The following SPATA6 variants were observed in gnomAD, a reference collection of about 807,000 sequenced individuals.
SPATA6 encodes the protein spermatogenesis-associated protein 6.
In SPATA6, 56 loss-of-function variants were observed where a neutral mutation model predicts 65.3. The ratio of observed to expected loss-of-function variants is 0.86; its 90% CI spans 0.69 to 1.07. SPATA6 has a LOEUF of 1.07. Among genes scored for constraint, SPATA6 ranks in the 50% least tolerant of loss-of-function variants. The pLI is 0.00. For synonymous variants in SPATA6, 199 were observed against 213.2 expected (o/e 0.93, Z 0.58); for missense variants, 590 against 594.8 (o/e 0.99, Z 0.08).
At chr1:48,301,254 C>G (rs1336118126) in intron 12 of SPATA6, among the ~76,000 whole-genome samples, 5 of 149,972 alleles carry the variant, frequency 3.3e-5, no homozygotes, top group Admixed American at 2.7e-4. Flanking sequence ...CAATCTGCAA[C>G]AGAGATCAAG....
intron 11 of SPATA6, among the ~76,000 whole-genome samples, chr1:48,317,329 G>A (rs1302560329): frequency 3.9e-5 from 6 of 152,078 alleles, no homozygotes; most frequent in Non-Finnish European, 7.4e-5. Context: ...CATATACACT[G>A]TGGAATACTA....
chr1:48,319,760 G>A (rs1183562312), intron 11 of SPATA6, among the ~76,000 whole-genome samples: 3 of 152,084 alleles, frequency 2.0e-5, no homozygotes, highest in Non-Finnish European at 2.9e-5. Context: ...GAGCCACCTG[G>A]AGATTGTGTA....
chr1:48,308,581 G>A (rs561324243), intron 11 of SPATA6, among the ~76,000 whole-genome samples: 1 of 152,210 alleles, frequency 6.6e-6, no homozygotes, highest in African/African-American at 2.4e-5. Context: ...CTACTGTCTA[G>A]TGTCCTTTCA....
chr1:48,456,946 T>C (rs1392025404), intron 1 of SPATA6, among the ~76,000 whole-genome samples: 1 of 151,906 alleles, frequency 6.6e-6, no homozygotes, highest in African/African-American at 2.4e-5. Flanking sequence ...ATATATGAAA[T>C]CTTCTGATGT....
intron 3 of SPATA6, chr1:48,436,088 CT>C (rs1654913023): frequency 1.2e-6 from 2 of 1,609,706 alleles, no homozygotes; most frequent in Non-Finnish European, 1.7e-6. Context: ...TCCTGGTCAC[CT>C]CCATCCACTA....
chr1:48,346,298 A>G (rs1362508085), intron 11 of SPATA6, among the ~76,000 whole-genome samples: 1 of 152,102 alleles, frequency 6.6e-6, no homozygotes, highest in Non-Finnish European at 1.5e-5. Context: ...TAAAACTCTC[A>G]ATAAACTAAG....
chr1:48,453,652 A>G (rs1656776432), intron 1 of SPATA6, among the ~76,000 whole-genome samples: 1 of 152,192 alleles, frequency 6.6e-6, no homozygotes, highest in Non-Finnish European at 1.5e-5. Context: ...CTAGCCCAAT[A>G]AAGTACTTTT....
intron 4 of SPATA6, 107 bp from the exon 5 acceptor site, chr1:48,411,695 G>C: frequency 1.1e-6 from 1 of 949,106 alleles, no homozygotes; most frequent in Non-Finnish European, 1.4e-6. Context: ...TGAAATACCT[G>C]TTTTGGGTCA....
At chr1:48,460,357 A>C (rs1356517518) in intron 1 of SPATA6, among the ~76,000 whole-genome samples, 1 of 152,204 alleles carries the variant, frequency 6.6e-6, no homozygotes, top group Admixed American at 6.5e-5. Context: ...ATTTGACAAA[A>C]TTTAAGCCTC....
chr1:48,262,528 T>G, the SPATA6 span: 1 of 152,098 alleles, frequency 6.6e-6, no homozygotes, highest in Admixed American at 6.6e-5. Flanking sequence ...ACACACATAA[T>G]TAGGGAACAA....
the SPATA6 span, among the ~76,000 whole-genome samples, chr1:48,286,217 C>A: frequency 6.6e-6 from 1 of 151,258 alleles, no homozygotes; most frequent in East Asian, 1.9e-4. Flanking sequence ...AAAAAAAATG[C>A]CATTGGGATT....
downstream of SPATA6, among the ~76,000 whole-genome samples, chr1:48,292,053 G>A (rs60266340): frequency 2.9e-3 from 445 of 152,306 alleles, 2 homozygotes; most frequent in African/African-American, 1.0e-2. Flanking sequence ...GCTAACTCAT[G>A]AATACCCATT....
chr1:48,362,583 G>A (rs762718183), intron 9 of SPATA6, among the ~76,000 whole-genome samples: 39 of 152,214 alleles, frequency 2.6e-4, no homozygotes, highest in Admixed American at 5.2e-4. Context: ...CAATCCAGAT[G>A]AGACAGGGCA....
intron 5 of SPATA6, among the ~76,000 whole-genome samples, chr1:48,407,244 C>A (rs977751151): frequency 6.6e-6 from 1 of 152,188 alleles, no homozygotes; most frequent in African/African-American, 2.4e-5. Context: ...GGACTCCAGT[C>A]TCCCTTGGCT....
rs1570284664 is a variant in SPATA6, at chr1:48,359,641, T to C, written c.1039A>G (p.Thr347Ala). 1 of 1,613,790 alleles carries C rather than the reference T, an allele frequency of 6.2e-7. No individual in the cohort carries two copies. Among genetic ancestry groups the C allele is most frequent in the Non-Finnish European group, 8.5e-7 (1 of 1,179,776 alleles). ...RTLLVHSAPS[T>A]MPKHSPSPVL... ...GGGCTTGGAGAATGCTTTGGCATTG[T>C]TGAGGGTGCTGAATGGACTAGCAAG... The change falls in exon 10 of 13, where the codon ACA (threonine) becomes GCA (alanine). Residue 347 changes from threonine to alanine, a missense_variant. Coordinates refer to ENST00000371847, the MANE Select transcript of SPATA6 (RefSeq NM_019073.4).
rs1644797382 is a variant in SPATA6 at position 48,295,454 on chromosome 1, A to C, written c.*3259T>G. 1 of 152,218 alleles carries C rather than the reference A, an allele frequency of 6.6e-6. No individual in the cohort carries two copies. Among genetic ancestry groups the C allele is most frequent in the Non-Finnish European group, 1.5e-5 (1 of 68,038 alleles). The allele number at this position is 152,218 out of a possible 1,614,324, so 9.4% of individuals were successfully genotyped here. A position where few individuals can be genotyped will look rare whatever the true frequency, so the allele number is the denominator to read the frequency against. ...TGTTACAACATGCATGAACTCTCAA[A>C]ATATTTTGCTAAGTGAAAGAAGCCA... On this transcript the variant is annotated 3_prime_UTR_variant, in exon 13 of 13. Transcript: ENST00000371847.
Position 48,372,418 on chromosome 1 carries a change from T to C in SPATA6, c.910-12648A>G, listed in dbSNP as rs187008748. On this transcript the variant is annotated intron_variant, in intron 9 of 12. Transcript: ENST00000371847. ...TCCATATCTCACATCCAGCTCACACTGATGCAAGATGTGGGTTCCCATGGT... is the reference window on the plus strand; with the variant it reads ...TCCATATCTCACATCCAGCTCACACCGATGCAAGATGTGGGTTCCCATGGT... 2.0e-5 allele frequency among the ~76,000 whole-genome samples: 3 copies of C among 152,346 alleles called. No individual in the cohort carries two copies. The East Asian group carries it at 5.8e-4, about 29-fold the overall frequency.
In SPATA6 at chr1:48,437,243, G is replaced by T. The variant is rs1159840565; in HGVS notation, c.238+14309C>A. On this transcript the variant is annotated intron_variant, in intron 3 of 12. Coordinates refer to ENST00000371847, the MANE Select transcript of SPATA6 (RefSeq NM_019073.4). Reference sequence around the variant, plus strand: ...TTCTAGGGCTGCCAAATCATTTCATGTCCTATATACTTGACACTTTCTCCT... The same window carrying T: ...TTCTAGGGCTGCCAAATCATTTCATTTCCTATATACTTGACACTTTCTCCT... The T allele has an allele frequency of 1.1e-5, 17 of 1,611,614 alleles. No individual in the cohort carries two copies. The Admixed American group carries it at 2.8e-4, about 27-fold the overall frequency.
chr1:48,427,284 C>T (rs935166924), intron 3 of SPATA6, among the ~76,000 whole-genome samples: 10 of 151,446 alleles, frequency 6.6e-5, no homozygotes, highest in South Asian at 2.1e-4. Context: ...GGAAATAATA[C>T]GACAGATATA....
Sources: gnomAD v4.1 joint callset for allele counts (sites outside exome capture counted in the v4.1 genomes callset) on GRCh38, gnomAD v4.1.1 for gene constraint, MANE v1.5 for transcripts, NCBI Gene and HGNC (gene_info 2026-07-23, HGNC 2026-07-21) for gene names.